The following NELL1 variants were observed in gnomAD, a reference collection of about 807,000 sequenced individuals.
The protein encoded by NELL1 is neural EGFL like 1.
Under a neutral mutation model 107.4 loss-of-function variants are expected in NELL1, and 76 were observed. The ratio of observed to expected loss-of-function variants is 0.71; its 90% CI spans 0.59 to 0.86. NELL1 has a LOEUF of 0.86. NELL1 is among the 40% of genes least tolerant of loss of function. The pLI, the probability that NELL1 is intolerant of heterozygous loss-of-function variation, is 0.00. For missense variants in NELL1, 1,024 were observed against 1,005.5 expected (o/e 1.02, Z -0.25); for synonymous variants, 353 against 341.2 (o/e 1.03, Z -0.38).
chr11:21,155,216 C>A (rs1469182881), intron 13 of NELL1, among the ~76,000 whole-genome samples: 2 of 152,064 alleles, frequency 1.3e-5, no homozygotes, highest in Non-Finnish European at 2.9e-5. Context: ...GGTTTCTAAG[C>A]AAAGGAGAAT....
intron 15 of NELL1, among the ~76,000 whole-genome samples, chr11:21,450,564 T>A (rs529525567): frequency 7.4e-4 from 112 of 152,306 alleles, no homozygotes; most frequent in African/African-American, 2.2e-3. Flanking sequence ...GTCTTAGAAA[T>A]CTTAACAACT....
intron 5 of NELL1, among the ~76,000 whole-genome samples, chr11:20,887,584 C>G (rs905082803): frequency 2.0e-5 from 3 of 152,108 alleles, no homozygotes; most frequent in African/African-American, 7.2e-5. Context: ...TAAAGCCAGT[C>G]CACTATCTAG....
At chr11:20,751,926 A>G (rs1297786003) in intron 2 of NELL1, among the ~76,000 whole-genome samples, 3 of 152,188 alleles carry the variant, frequency 2.0e-5, no homozygotes, top group Non-Finnish European at 2.9e-5. Context: ...TCATCTTGAA[A>G]TTCTGCTGAA....
intron 12 of NELL1, among the ~76,000 whole-genome samples, chr11:21,042,266 A>G (rs767108569): frequency 6.6e-6 from 1 of 152,180 alleles, no homozygotes; most frequent in Non-Finnish European, 1.5e-5. Flanking sequence ...TGTTAAGGCT[A>G]TTGTCAAAAT....
chr11:21,436,621 G>A (rs555596628), intron 15 of NELL1, among the ~76,000 whole-genome samples: 2 of 151,880 alleles, frequency 1.3e-5, no homozygotes, highest in African/African-American at 2.4e-5. Context: ...TATATTTTAA[G>A]TATCTATTTA....
chr11:20,698,964 C>A (rs1590214293), intron 2 of NELL1, among the ~76,000 whole-genome samples: 1 of 152,098 alleles, frequency 6.6e-6, no homozygotes, highest in Non-Finnish European at 1.5e-5. Context: ...TGCCTGTAAT[C>A]CCAGTACTTT....
At chr11:20,873,767 C>CT (rs34217570) in intron 4 of NELL1, among the ~76,000 whole-genome samples, 7,036 of 135,708 alleles carry the variant, frequency 0.052, 641 homozygotes, top group African/African-American at 0.18. Context: ...GAATATTTGA[C>CT]TTTTTTTTTT....
intron 12 of NELL1, among the ~76,000 whole-genome samples, chr11:21,055,432 G>A (rs1853589348): frequency 6.6e-6 from 1 of 152,038 alleles, no homozygotes; most frequent in Non-Finnish European, 1.5e-5. Context: ...GCTTTTATGT[G>A]AACACAGTAT....
At chr11:21,508,625 T>C (rs1855357550) in intron 15 of NELL1, among the ~76,000 whole-genome samples, 1 of 152,120 alleles carries the variant, frequency 6.6e-6, no homozygotes, top group South Asian at 2.1e-4. Context: ...CAACCTAAAA[T>C]GATTATTTAA....
chr11:20,886,484 C>T (rs1380625380), intron 5 of NELL1, among the ~76,000 whole-genome samples: 3 of 151,914 alleles, frequency 2.0e-5, no homozygotes, highest in African/African-American at 4.8e-5. Context: ...TAAAATTCAG[C>T]ATTGTACTTA....
chr11:21,179,407 C>T (rs1282245535), intron 13 of NELL1, among the ~76,000 whole-genome samples: 4 of 151,750 alleles, frequency 2.6e-5, no homozygotes, highest in African/African-American at 7.3e-5. Context: ...CTTAAAAAAA[C>T]TCATTTATTC....
chr11:21,570,608 A>G (rs1857077837), intron 17 of NELL1, among the ~76,000 whole-genome samples, 156 bp from the exon 18 acceptor site: 1 of 151,854 alleles, frequency 6.6e-6, no homozygotes, highest in Non-Finnish European at 1.5e-5. Flanking sequence ...AGGGAAAGAA[A>G]GGGTGTGTTT....
chr11:21,572,311 A>C (rs1291569026), intron 18 of NELL1, among the ~76,000 whole-genome samples: 1 of 151,854 alleles, frequency 6.6e-6, no homozygotes, highest in Non-Finnish European at 1.5e-5. Flanking sequence ...GCTGTTAAAC[A>C]CATAACTTAT....
intron 14 of NELL1, among the ~76,000 whole-genome samples, chr11:21,307,065 T>C (rs1849621107): frequency 3.3e-5 from 5 of 152,046 alleles, no homozygotes; most frequent in Admixed American, 2.0e-4. Flanking sequence ...AATTTATTTA[T>C]GTCTGGATAT....
intron 12 of NELL1, among the ~76,000 whole-genome samples, chr11:21,068,032 CAAAAAAA>C (rs1195285619): frequency 7.4e-5 from 3 of 40,382 alleles, no homozygotes; most frequent in African/African-American, 1.0e-4. Context: ...GATGCCATCT[CAAAAAAA>C]AAAAAAAAAA....
intron 2 of NELL1, among the ~76,000 whole-genome samples, chr11:20,776,622 A>G (rs1264108842): frequency 6.6e-6 from 1 of 152,102 alleles, no homozygotes; most frequent in Non-Finnish European, 1.5e-5. Context: ...TGGTCTGAGG[A>G]GTAGCAATTA....
chr11:20,957,468 C>T (rs1008340433), intron 11 of NELL1, among the ~76,000 whole-genome samples: 3 of 152,114 alleles, frequency 2.0e-5, no homozygotes, highest in African/African-American at 7.2e-5. Flanking sequence ...TCAAATCTCA[C>T]ACATTAAATT....
At chr11:20,726,587 T>C (rs892410864) in intron 2 of NELL1, among the ~76,000 whole-genome samples, 4 of 152,120 alleles carry the variant, frequency 2.6e-5, no homozygotes, top group Non-Finnish European at 5.9e-5. Flanking sequence ...CAATCACCAA[T>C]ATTTTTTTCT....
intron 12 of NELL1, among the ~76,000 whole-genome samples, chr11:21,012,009 G>A (rs528786841): frequency 7.9e-5 from 12 of 152,196 alleles, no homozygotes; most frequent in African/African-American, 1.2e-4. Context: ...CAACCACTGC[G>A]CTAAGAGCTT....
Sources: allele counts gnomAD v4.1 joint callset (sites outside exome capture counted in the v4.1 genomes callset), GRCh38; gene constraint gnomAD v4.1.1; transcripts MANE v1.5; gene names NCBI Gene and HGNC (gene_info 2026-07-23, HGNC 2026-07-21).